CTNNA3: variants seen among roughly 807,000 people sequenced by gnomAD.
CTNNA3 encodes catenin alpha-3.
In CTNNA3, 76 loss-of-function variants were observed where a neutral mutation model predicts 95.7. The ratio of observed to expected loss-of-function variants is 0.79; its 90% CI spans 0.66 to 0.96. The LOEUF (loss-of-function observed/expected upper bound fraction) is 0.96, where lower values mean the gene tolerates loss of function less well. CTNNA3 is among the 40% of genes least tolerant of loss of function. The pLI is 0.00. For missense variants in CTNNA3, 1,191 were observed against 1,089.8 expected (o/e 1.09, Z -1.31); for synonymous variants, 431 against 374.4 (o/e 1.15, Z -1.74).
chr10:66,017,243 T>C (rs1175670954), intron 15 of CTNNA3, among the ~76,000 whole-genome samples: 2 of 152,172 alleles, frequency 1.3e-5, no homozygotes, highest in Admixed American at 1.3e-4. Context: ...ATTGTTCTCA[T>C]ACCAGTGTGG....
intron 11 of CTNNA3, among the ~76,000 whole-genome samples, chr10:66,402,404 C>T (rs2093027927): frequency 6.6e-6 from 1 of 152,102 alleles, no homozygotes; most frequent in South Asian, 2.1e-4. Context: ...AAAAGAGTGT[C>T]AGGAATACAA....
intron 5 of CTNNA3, among the ~76,000 whole-genome samples, chr10:67,461,460 G>A (rs1847375211): frequency 1.3e-5 from 2 of 152,028 alleles, no homozygotes; most frequent in Admixed American, 6.6e-5. Flanking sequence ...ATAAAGAAAA[G>A]TGAAAAATTG....
intron 9 of CTNNA3, among the ~76,000 whole-genome samples, chr10:66,666,262 G>A (rs1163887318): frequency 6.6e-6 from 1 of 152,084 alleles, no homozygotes; most frequent in Non-Finnish European, 1.5e-5. Context: ...CAATTCATTT[G>A]CTGCCTGGTA....
chr10:66,748,247 G>C (rs948000939), intron 9 of CTNNA3, among the ~76,000 whole-genome samples: 2 of 152,188 alleles, frequency 1.3e-5, no homozygotes, highest in Non-Finnish European at 2.9e-5. Flanking sequence ...CCATTTGTGT[G>C]TCTCTGTGTT....
intron 9 of CTNNA3, among the ~76,000 whole-genome samples, chr10:66,742,940 C>A (rs1347111426): frequency 2.6e-5 from 4 of 152,164 alleles, no homozygotes; most frequent in Admixed American, 2.6e-4. Flanking sequence ...ATTTCCTCTG[C>A]CCCTGGTTTT....
chr10:67,411,347 A>AAGGC (rs1845360775), intron 5 of CTNNA3, among the ~76,000 whole-genome samples: 1 of 152,160 alleles, frequency 6.6e-6, no homozygotes, highest in African/African-American at 2.4e-5. Flanking sequence ...AAAATTTTTA[A>AAGGC]AGGCCGAATT....
intron 1 of CTNNA3, among the ~76,000 whole-genome samples, chr10:67,661,582 C>T (rs1840190972): frequency 6.6e-6 from 1 of 152,044 alleles, no homozygotes; most frequent in East Asian, 1.9e-4. Flanking sequence ...ATTCAAACTT[C>T]GTGAAAATAC....
At chr10:66,433,863 C>G (rs1292126005) in intron 11 of CTNNA3, among the ~76,000 whole-genome samples, 1 of 152,198 alleles carries the variant, frequency 6.6e-6, no homozygotes, top group Non-Finnish European at 1.5e-5. Flanking sequence ...CTGCACATGG[C>G]TAGCCAGTTT....
At chr10:67,124,616 C>T (rs983140549) in intron 7 of CTNNA3, among the ~76,000 whole-genome samples, 4 of 151,798 alleles carry the variant, frequency 2.6e-5, no homozygotes, top group East Asian at 1.9e-4. Context: ...ATTTAGTGTT[C>T]GAAATTTTAC....
At chr10:66,229,669 G>A (rs2089489961) in intron 13 of CTNNA3, among the ~76,000 whole-genome samples, 1 of 151,892 alleles carries the variant, frequency 6.6e-6, no homozygotes, top group South Asian at 2.1e-4. Flanking sequence ...CCTTGTCTTT[G>A]GACAATTTCA....
chr10:66,385,554 C>A (rs1464098192), intron 11 of CTNNA3, among the ~76,000 whole-genome samples: 1 of 152,146 alleles, frequency 6.6e-6, no homozygotes, highest in South Asian at 2.1e-4. Flanking sequence ...CTATTCCAAT[C>A]AACAGAAAAA....
At chr10:67,612,202 A>G (rs1030297632) in intron 2 of CTNNA3, among the ~76,000 whole-genome samples, 2 of 152,230 alleles carry the variant, frequency 1.3e-5, no homozygotes, top group African/African-American at 4.8e-5. Flanking sequence ...GCCAATAAAC[A>G]CTTATATTTT....
chr10:66,455,695 G>C (rs535666594), intron 11 of CTNNA3, among the ~76,000 whole-genome samples: 22 of 152,316 alleles, frequency 1.4e-4, no homozygotes, highest in African/African-American at 5.3e-4. Context: ...TACTGTGGAT[G>C]CTCAGGCTCT....
intron 7 of CTNNA3, among the ~76,000 whole-genome samples, chr10:67,018,009 T>G (rs1345749711): frequency 1.3e-5 from 2 of 152,118 alleles, no homozygotes; most frequent in African/African-American, 2.4e-5. Context: ...TGACCTCAAG[T>G]GATCTGCCCA....
intron 7 of CTNNA3, among the ~76,000 whole-genome samples, chr10:66,877,137 G>A (rs970234307): frequency 2.0e-5 from 3 of 152,046 alleles, no homozygotes; most frequent in Non-Finnish European, 2.9e-5. Flanking sequence ...TGGCCAGCTT[G>A]TTTTGATAAG....
chr10:66,208,615 AAAG>A (rs1475920997), intron 13 of CTNNA3, among the ~76,000 whole-genome samples: 4 of 152,158 alleles, frequency 2.6e-5, no homozygotes, highest in African/African-American at 4.8e-5. Flanking sequence ...AGGAACTTAA[AAAG>A]AAGAGATTTA....
intron 7 of CTNNA3, among the ~76,000 whole-genome samples, chr10:66,781,662 A>C (rs1262664895): frequency 1.3e-5 from 2 of 152,230 alleles, no homozygotes; most frequent in African/African-American, 2.4e-5. Flanking sequence ...TAACAGAGGA[A>C]GTAGGATGAA....
At chr10:67,284,417 A>G (rs953765021) in intron 5 of CTNNA3, among the ~76,000 whole-genome samples, 1 of 152,202 alleles carries the variant, frequency 6.6e-6, no homozygotes, top group African/African-American at 2.4e-5. Context: ...CATGCAACCA[A>G]ATTAGTATTA....
At chr10:67,703,756 G>T (rs1204332204) in intron 1 of CTNNA3, among the ~76,000 whole-genome samples, 4 of 152,158 alleles carry the variant, frequency 2.6e-5, no homozygotes, top group Non-Finnish European at 5.9e-5. Flanking sequence ...ATTCAACATA[G>T]GGTTGGAAGT....
Sources: gnomAD v4.1 joint callset for allele counts (sites outside exome capture counted in the v4.1 genomes callset) on GRCh38, gnomAD v4.1.1 for gene constraint, MANE v1.5 for transcripts, NCBI Gene and HGNC (gene_info 2026-07-23, HGNC 2026-07-21) for gene names.